PSPH: variants seen among roughly 807,000 people sequenced by gnomAD.
PSPH encodes the protein L-3-phosphoserine phosphatase.
A neutral mutation model predicts 23.4 loss-of-function variants in PSPH; 16 were observed. The observed-to-expected ratio is 0.68, with a 90% CI of 0.46 to 1.04. PSPH has a LOEUF of 1.04. Ranked by LOEUF, PSPH falls within the 50% of genes least tolerant of loss-of-function variation. PSPH has a pLI of 0.00. For missense variants in PSPH, 223 were observed against 273.7 expected (o/e 0.81, Z 1.31); for synonymous variants, 68 against 99.7 (o/e 0.68, Z 1.89).
intron 6 of PSPH, 72 bp from the exon 7 acceptor site, chr7:56,015,243 T>A: frequency 6.4e-7 from 1 of 1,551,704 alleles, no homozygotes; most frequent in Non-Finnish European, 8.9e-7. Flanking sequence ...TCTGCATAGA[T>A]GATATCTTCA....
At position 56,019,704 on chromosome 7, in the gene PSPH, A is replaced by G. The variant is rs368237009; in HGVS notation, c.171T>C (p.Pro57=). 2.4e-5 allele frequency: 39 copies of G among 1,613,718 alleles called. No homozygotes were observed. In the African/African-American group the frequency reaches 4.7e-4, roughly 19 times the overall value. The change falls in exon 5 of 8, where the codon CCT becomes CCC. Residue 57 remains proline (P), a synonymous_variant. Transcript: ENST00000275605. ...AGCGCTCTGTGAGAGCAGCTTTGAA[A>G]GGCACTGCCCCGCCCATGGCTCGCC... ...MTRRAMGGAV[P]FKAALTERLA... is the part of the protein sequence containing the mutation.
chr7:56,036,666 C>T (rs1791769319), intron 1 of PSPH, among the ~76,000 whole-genome samples: 1 of 152,068 alleles, frequency 6.6e-6, no homozygotes, highest in Admixed American at 6.6e-5. Flanking sequence ...AATCTGCCAC[C>T]TCTTCATGGT....
At chr7:56,024,204 C>T (rs1173842832) in intron 3 of PSPH, among the ~76,000 whole-genome samples, 1 of 151,778 alleles carries the variant, frequency 6.6e-6, no homozygotes, top group Admixed American at 6.6e-5. Flanking sequence ...CGTGAGCCAC[C>T]GCGCCCGGCC....
At chr7:56,036,743 C>T (rs1216981328) in intron 1 of PSPH, among the ~76,000 whole-genome samples, 1 of 152,138 alleles carries the variant, frequency 6.6e-6, no homozygotes, top group Non-Finnish European at 1.5e-5. Context: ...GTATTGTAGA[C>T]ATTGTTTTGC....
chr7:56,014,696 C>A (rs1788351158), intron 7 of PSPH, among the ~76,000 whole-genome samples: 1 of 152,100 alleles, frequency 6.6e-6, no homozygotes, highest in South Asian at 2.1e-4. Flanking sequence ...GTAATCCCAG[C>A]ACTTTGGGAG....
intron 5 of PSPH, 90 bp from the exon 6 acceptor site, chr7:56,017,469 T>C (rs1447271343): frequency 1.0e-5 from 16 of 1,549,688 alleles, no homozygotes; most frequent in South Asian, 3.7e-5. Context: ...ATAAGATACA[T>C]TTTCTTCTCC....
In PSPH at chr7:56,011,817, T is replaced by A. The variant is rs774047094; in HGVS notation, c.623A>T (p.Asn208Ile). 9 of 1,613,544 alleles carry A rather than the reference T, an allele frequency of 5.6e-6. No individual in the cohort carries two copies. Among genetic ancestry groups the A allele is most frequent in the Non-Finnish European group, 7.6e-6 (9 of 1,179,652 alleles). ...GNVIRQQVKDNAKWYITDFVE... is the reference protein window; with the variant it reads ...GNVIRQQVKDIAKWYITDFVE... ...AAAATCAGTGATATACCATTTGGCG[T>A]TATCCTTGACTTGTTGCCTGATCAC... The change falls in exon 8 of 8, where the codon AAC (asparagine) becomes ATC (isoleucine). Residue 208 changes from asparagine to isoleucine, a missense_variant. Transcript: ENST00000275605.
intron 1 of PSPH, among the ~76,000 whole-genome samples, chr7:56,047,556 C>G (rs1456376418): frequency 6.6e-6 from 1 of 151,838 alleles, no homozygotes; most frequent in African/African-American, 2.4e-5. Context: ...ACCAAGTGAA[C>G]AAAGTTAACA....
chr7:56,037,559 C>G, intron 1 of PSPH, among the ~76,000 whole-genome samples: 1 of 151,962 alleles, frequency 6.6e-6, no homozygotes, highest in East Asian at 1.9e-4. Context: ...GGTTGGACCA[C>G]AGGTGTGTGC....
At chr7:56,019,168 G>A (rs1035891305) in intron 5 of PSPH, among the ~76,000 whole-genome samples, 3 of 151,994 alleles carry the variant, frequency 2.0e-5, no homozygotes, top group East Asian at 3.9e-4. Flanking sequence ...TAGGCCGGGT[G>A]CAGTGGCTCA....
At chr7:56,037,705 AATTTTTTTT>A (rs762708657) in intron 1 of PSPH, among the ~76,000 whole-genome samples, 1 of 139,564 alleles carries the variant, frequency 7.2e-6, no homozygotes. Context: ...TAAGCTAACA[AATTTTTTTT>A]TTTTTTTTTT....
chr7:56,020,580 G>A (rs999440620), intron 4 of PSPH, among the ~76,000 whole-genome samples: 1 of 145,738 alleles, frequency 6.9e-6, no homozygotes, highest in African/African-American at 2.7e-5. Context: ...AGCTGAGATT[G>A]GGTCACTGCA....
Position 56,021,236 on chromosome 7 carries a change from A to G in PSPH, c.-19-5T>C, listed in dbSNP as rs1272509326. 26 of 1,612,134 alleles carry G rather than the reference A, an allele frequency of 1.6e-5. No individual in the cohort carries two copies. The highest frequency in any genetic ancestry group is 2.0e-5 in the Non-Finnish European group (24 of 1,178,346). On this transcript the variant is annotated splice_polypyrimidine_tract_variant and splice_region_variant and intron_variant, in intron 3 of 7. Coordinates refer to ENST00000275605, the MANE Select transcript of PSPH (RefSeq NM_004577.4). ...ATCGCTGGAAGAATTTTCCTCCTACAAGAAAAAAGATAAATGTATTTAAAG... is the reference window on the plus strand; with the variant it reads ...ATCGCTGGAAGAATTTTCCTCCTACGAGAAAAAAGATAAATGTATTTAAAG...
At chr7:56,023,866 C>A (rs1349371545) in intron 3 of PSPH, among the ~76,000 whole-genome samples, 1 of 152,052 alleles carries the variant, frequency 6.6e-6, no homozygotes, top group Non-Finnish European at 1.5e-5. Context: ...CACCCTGCCA[C>A]CTGGTTTGGT....
chr7:56,014,944 A>C, intron 7 of PSPH, 79 bp downstream of exon 7: 1 of 1,340,542 alleles, frequency 7.5e-7, no homozygotes. Flanking sequence ...ACTCCGTCTC[A>C]AAAAAAATAA....
At chr7:56,023,129 G>C (rs762736769) in intron 3 of PSPH, among the ~76,000 whole-genome samples, 6 of 152,026 alleles carry the variant, frequency 3.9e-5, no homozygotes, top group Non-Finnish European at 7.4e-5. Flanking sequence ...GAGTGCTAAG[G>C]ACAGAGCCTG....
At chr7:56,033,888 A>C (rs980300403) in intron 2 of PSPH, 73 bp downstream of exon 2, 1 of 152,258 alleles carries the variant, frequency 6.6e-6, no homozygotes, top group African/African-American at 2.4e-5. Flanking sequence ...TCAGAGAGGA[A>C]GCCTGGAAGA....
intron 7 of PSPH, among the ~76,000 whole-genome samples, chr7:56,014,200 G>A (rs1788298062): frequency 6.6e-6 from 1 of 152,152 alleles, no homozygotes; most frequent in Non-Finnish European, 1.5e-5. Flanking sequence ...TAATGTATGA[G>A]GAGCTAGTAT....
chr7:56,024,701 C>G (rs911227893), intron 3 of PSPH, among the ~76,000 whole-genome samples: 11 of 151,924 alleles, frequency 7.2e-5, no homozygotes, highest in Admixed American at 7.2e-4. Context: ...TGAGCTATGA[C>G]CATGACACTG....
Sources: allele counts gnomAD v4.1 joint callset (sites outside exome capture counted in the v4.1 genomes callset), GRCh38; gene constraint gnomAD v4.1.1; transcripts MANE v1.5; gene names NCBI Gene and HGNC (gene_info 2026-07-23, HGNC 2026-07-21).